Variants in ROBO2 observed in about 807,000 individuals in gnomAD.
ROBO2 encodes roundabout homolog 2.
A neutral mutation model predicts 160.8 loss-of-function variants in ROBO2; 53 were observed. That is an observed-to-expected ratio of 0.33 (90% CI 0.26 to 0.41). The LOEUF (loss-of-function observed/expected upper bound fraction) is 0.41. Among genes scored for constraint, ROBO2 ranks in the 10% least tolerant of loss-of-function variants. The pLI is 1.00. For missense variants in ROBO2, 1,577 were observed against 1,722.4 expected (o/e 0.92, Z 1.49); for synonymous variants, 664 against 611.7 (o/e 1.09, Z -1.26).
At chr3:76,410,797 C>G (rs888226634) in intron 2 of ROBO2, among the ~76,000 whole-genome samples, 1 of 152,072 alleles carries the variant, frequency 6.6e-6, no homozygotes, top group Admixed American at 6.6e-5. Flanking sequence ...AAGGCTATAG[C>G]AATCTTCACT....
At chr3:77,464,857 C>A (rs925383121) in intron 2 of ROBO2, among the ~76,000 whole-genome samples, 3 of 152,026 alleles carry the variant, frequency 2.0e-5, no homozygotes, top group African/African-American at 4.8e-5. Flanking sequence ...GTCATAAGGC[C>A]CTAGCCCTCT....
chr3:76,250,973 A>G (rs145440678), intron 2 of ROBO2, among the ~76,000 whole-genome samples: 248 of 152,142 alleles, frequency 1.6e-3, no homozygotes, highest in Non-Finnish European at 2.9e-3. Flanking sequence ...CAGAAACTAT[A>G]AAGGTGATAA....
chr3:76,308,619 T>C (rs1358726788), intron 2 of ROBO2, among the ~76,000 whole-genome samples: 1 of 152,186 alleles, frequency 6.6e-6, no homozygotes, highest in African/African-American at 2.4e-5. Flanking sequence ...TCCTTCAGAT[T>C]GTACTCTTGT....
chr3:76,576,062 C>T (rs1383722990), intron 2 of ROBO2, among the ~76,000 whole-genome samples: 1 of 151,970 alleles, frequency 6.6e-6, no homozygotes, highest in Non-Finnish European at 1.5e-5. Context: ...TGGAATTTCA[C>T]CACTGAGAAA....
intron 2 of ROBO2, among the ~76,000 whole-genome samples, chr3:76,834,432 T>G (rs1017126169): frequency 1.3e-5 from 2 of 151,946 alleles, no homozygotes; most frequent in Non-Finnish European, 2.9e-5. Context: ...GGGCACCATC[T>G]TGGATCACTG....
chr3:75,929,867 G>A (rs1456288967), intron 1 of ROBO2, among the ~76,000 whole-genome samples: 3 of 152,116 alleles, frequency 2.0e-5, no homozygotes, highest in South Asian at 2.1e-4. Flanking sequence ...GCTAATTTTT[G>A]TATTTTTGGT....
At chr3:76,913,263 G>T (rs1406860734) in intron 2 of ROBO2, among the ~76,000 whole-genome samples, 2 of 152,242 alleles carry the variant, frequency 1.3e-5, no homozygotes, top group East Asian at 3.9e-4. Flanking sequence ...TCTTTAGGAG[G>T]CGTTTCTCTG....
intron 2 of ROBO2, among the ~76,000 whole-genome samples, chr3:76,304,003 A>G (rs2071200659): frequency 1.3e-5 from 2 of 152,260 alleles, no homozygotes; most frequent in African/African-American, 4.8e-5. Context: ...CTATTTCTCG[A>G]TAACAGTGAA....
intron 2 of ROBO2, among the ~76,000 whole-genome samples, chr3:77,133,962 A>G (rs1270295874): frequency 6.6e-6 from 1 of 152,176 alleles, no homozygotes; most frequent in Non-Finnish European, 1.5e-5. Context: ...CCAAAATTGT[A>G]TCATAGAAAC....
At chr3:76,137,793 G>A (rs963210514) in intron 2 of ROBO2, among the ~76,000 whole-genome samples, 12 of 151,824 alleles carry the variant, frequency 7.9e-5, no homozygotes, top group Non-Finnish European at 1.6e-4. Context: ...TGCAAGTCAA[G>A]TGCTTTTAAT....
chr3:76,251,595 T>A (rs1037175415), intron 2 of ROBO2, among the ~76,000 whole-genome samples: 2 of 152,118 alleles, frequency 1.3e-5, no homozygotes, highest in Non-Finnish European at 2.9e-5. Flanking sequence ...AAACTTATTT[T>A]TAGCATCAAC....
chr3:76,559,124 C>T lies in ROBO2; in HGVS notation c.110-538890C>T, dbSNP rs547381952. ...ATTCTAAACTCTTCCTCTCCTCCCA[C>T]CCATTAATATAAGGCACAGGCACAT... On this transcript the variant is annotated intron_variant, in intron 2 of 26. Transcript: ENST00000487694. 3.3e-5 allele frequency among the ~76,000 whole-genome samples: 5 copies of T among 152,230 alleles called. No individual in the cohort carries two copies. In the East Asian group the frequency reaches 7.7e-4, roughly 24 times the overall value.
At chr3:75,955,618 A>G (rs1366828272) in intron 2 of ROBO2, among the ~76,000 whole-genome samples, 1 of 151,656 alleles carries the variant, frequency 6.6e-6, no homozygotes, top group Admixed American at 6.6e-5. Flanking sequence ...ATGTACCCTA[A>G]AACTTAAAGT....
intron 2 of ROBO2, among the ~76,000 whole-genome samples, chr3:76,592,242 A>G (rs535611721): frequency 6.6e-6 from 1 of 152,198 alleles, no homozygotes; most frequent in Non-Finnish European, 1.5e-5. Context: ...GTAATTTAAC[A>G]TGTACCAGTT....
At chr3:76,218,916 T>C (rs1703755776) in intron 2 of ROBO2, among the ~76,000 whole-genome samples, 1 of 152,114 alleles carries the variant, frequency 6.6e-6, no homozygotes, top group South Asian at 2.1e-4. Context: ...CAAACTATAC[T>C]ACAAGGCTAC....
At position 76,483,622 on chromosome 3, in the gene ROBO2, C is replaced by T. The variant is rs151121748; in HGVS notation, c.109+546020C>T. Among the ~76,000 whole-genome samples, 403 of 152,226 alleles carry T rather than the reference C, an allele frequency of 2.6e-3. 1 individual carries two copies. The highest frequency in any genetic ancestry group is 9.5e-3 in the African/African-American group (395 of 41,546). On this transcript the variant is annotated intron_variant, in intron 2 of 26. Transcript: ENST00000487694. ...CTCTAATTCATTCAGGAAAAGAACG[C>T]TTGTGTCACAGAGGTTTGTTATACA...
chr3:77,336,025 A>G (rs2066462629), intron 2 of ROBO2, among the ~76,000 whole-genome samples: 1 of 152,256 alleles, frequency 6.6e-6, no homozygotes, highest in South Asian at 2.1e-4. Flanking sequence ...TTTTAAAAGT[A>G]GAATGGACTA....
chr3:77,322,215 C>T (rs896572306), intron 2 of ROBO2, among the ~76,000 whole-genome samples: 2 of 152,002 alleles, frequency 1.3e-5, no homozygotes, highest in Admixed American at 6.6e-5. Flanking sequence ...CTAGAATAAC[C>T]GAATGAAATG....
intron 2 of ROBO2, among the ~76,000 whole-genome samples, chr3:76,075,840 G>A (rs2068629709): frequency 6.6e-6 from 1 of 152,132 alleles, no homozygotes; most frequent in Admixed American, 6.5e-5. Flanking sequence ...CAATTGTCTC[G>A]TACTTACTTA....
Sources: gnomAD v4.1 joint callset for allele counts (sites outside exome capture counted in the v4.1 genomes callset) on GRCh38, gnomAD v4.1.1 for gene constraint, MANE v1.5 for transcripts, NCBI Gene and HGNC (gene_info 2026-07-23, HGNC 2026-07-21) for gene names.